The following LIPI variants were observed in gnomAD, a reference collection of about 807,000 sequenced individuals.
LIPI encodes the protein lipase I, also known as lipase member I.
In LIPI, 59 loss-of-function variants were observed where a neutral mutation model predicts 50.6. The observed-to-expected ratio is 1.16, with a 90% CI of 0.94 to 1.45. The LOEUF (loss-of-function observed/expected upper bound fraction) is 1.45. Among genes scored for constraint, LIPI ranks in the 40% most tolerant of loss-of-function variants. The pLI, the probability that LIPI is intolerant of heterozygous loss-of-function variation, is 0.00. For synonymous variants in LIPI, 203 were observed against 178.2 expected, an observed-to-expected ratio of 1.14 and a Z score of -1.11; for missense variants, 586 against 536.3, an observed-to-expected ratio of 1.09 and a Z score of -0.92.
intron 7 of LIPI, among the ~76,000 whole-genome samples, chr21:14,156,091 C>A (rs984292798): frequency 6.6e-6 from 1 of 151,984 alleles, no homozygotes; most frequent in Non-Finnish European, 1.5e-5. Flanking sequence ...AATCATTAAA[C>A]AGTGATGAAT....
At chr21:14,168,057 A>G (rs1337580341) in intron 4 of LIPI, among the ~76,000 whole-genome samples, 1 of 152,228 alleles carries the variant, frequency 6.6e-6, no homozygotes, top group African/African-American at 2.4e-5. Context: ...CTCGAGAACT[A>G]TGTGAAGAAT....
chr21:14,181,908 C>G, intron 3 of LIPI, 49 bp from the exon 4 acceptor site: 1 of 957,590 alleles, frequency 1.0e-6, no homozygotes, highest in Admixed American at 1.8e-5. Flanking sequence ...CACAGAGCTC[C>G]TTACATTGCA....
rs1203049180 is a variant in LIPI at position 14,158,200 on chromosome 21, G to C, written c.1006+5219C>G. Among the ~76,000 whole-genome samples, 5 of 151,716 alleles carry C rather than the reference G, an allele frequency of 3.3e-5. No individual in the cohort carries two copies. The East Asian group carries it at 9.6e-4, about 29-fold the overall frequency. The stretch of plus-strand genomic sequence containing the variant: ...GAAGCATGAGCCTAAAGAGATCAAT[G>C]CTTGACTACTAAAATACCTCAGGAC... On this transcript the variant is annotated intron_variant, in intron 7 of 9. Transcript: ENST00000681601.
chr21:14,182,434 A>G (rs1001945317), intron 3 of LIPI, among the ~76,000 whole-genome samples: 2 of 152,210 alleles, frequency 1.3e-5, no homozygotes, highest in East Asian at 3.8e-4. Flanking sequence ...CTAAATAAAA[A>G]TGCTAGGCTC....
chr21:14,123,126 T>C (rs2016925446), intron 9 of LIPI, among the ~76,000 whole-genome samples: 1 of 152,124 alleles, frequency 6.6e-6, no homozygotes, highest in African/African-American at 2.4e-5. Flanking sequence ...TGTTACAAGG[T>C]TCAATGTATA....
Position 14,190,883 on chromosome 21 carries a change from A to T in LIPI, c.47-1464T>A, listed in dbSNP as rs903888484. Among the ~76,000 whole-genome samples, 2 of 152,162 alleles carry T rather than the reference A, an allele frequency of 1.3e-5. 1 individual carries two copies. ...ATCAATACATCCAAAGTGCTGGTCC[A>T]CTCCAAGCTAAAGTCAATTTTACCT... On this transcript the variant is annotated intron_variant, in intron 1 of 9. Transcript: ENST00000681601.
At chr21:14,192,371 A>C (rs1026952653) in intron 1 of LIPI, among the ~76,000 whole-genome samples, 3 of 152,172 alleles carry the variant, frequency 2.0e-5, no homozygotes, top group Non-Finnish European at 4.4e-5. Context: ...AGGCTGAGGC[A>C]GGAGAATCAC....
At position 14,165,328 on chromosome 21, in the gene LIPI, T is replaced by C. The variant is rs1174846633; in HGVS notation, c.796A>G (p.Thr266Ala). ...AVHLFMASLE[T>A]NCNFISFPCR... is the part of the protein sequence containing the mutation. ...GGAAATGAAATAAAATTGCAGTTTGTTTCTAAAGATGCCATGAACAAGTGA... is the reference window on the plus strand; with the variant it reads ...GGAAATGAAATAAAATTGCAGTTTGCTTCTAAAGATGCCATGAACAAGTGA... Residue 266 changes from threonine to alanine, a missense_variant, in exon 6 of 10, where the codon ACA (threonine) becomes GCA (alanine). Coordinates refer to ENST00000681601, the MANE Select transcript of LIPI (RefSeq NM_001302998.2). 2.5e-6 allele frequency: 4 copies of C among 1,612,486 alleles called. No homozygotes were observed. In the Admixed American group the frequency reaches 5.0e-5, roughly 20 times the overall value.
At chr21:14,112,282 C>T (rs1415202209) in intron 9 of LIPI, among the ~76,000 whole-genome samples, 1 of 152,032 alleles carries the variant, frequency 6.6e-6, no homozygotes, top group Non-Finnish European at 1.5e-5. Context: ...ATGTCTCTAG[C>T]TTTGTTCTTT....
intron 3 of LIPI, among the ~76,000 whole-genome samples, chr21:14,182,578 C>T (rs917480573): frequency 6.6e-6 from 1 of 152,074 alleles, no homozygotes; most frequent in African/African-American, 2.4e-5. Flanking sequence ...AACAGACAAA[C>T]AGAGAGCCAA....
At chr21:14,129,347 A>T (rs2017192588) in intron 9 of LIPI, among the ~76,000 whole-genome samples, 1 of 152,138 alleles carries the variant, frequency 6.6e-6, no homozygotes, top group African/African-American at 2.4e-5. Flanking sequence ...TATTGAATGC[A>T]TTTATATATA....
rs1481818485 is a variant in LIPI at position 14,156,839 on chromosome 21, A to G, written c.1007-4155T>C. ...AAGGACACAGGAGGAAATAAGGAAC[A>G]TGGCAGAGAAAATACACATTACAAA... On this transcript the variant is annotated intron_variant, in intron 7 of 9. Transcript: ENST00000681601. 2.0e-5 allele frequency among the ~76,000 whole-genome samples: 3 copies of G among 151,862 alleles called. 1 individual carries two copies. The highest frequency in any genetic ancestry group is 2.0e-4 in the Admixed American group (3 of 15,188).
At chr21:14,128,184 CAT>C (rs918446606) in intron 9 of LIPI, among the ~76,000 whole-genome samples, 19 of 152,046 alleles carry the variant, frequency 1.2e-4, no homozygotes, top group Admixed American at 3.3e-4. Context: ...TCAACTGTAA[CAT>C]ATGTGTTTAT....
At chr21:14,165,485 C>T (rs572908058) in intron 5 of LIPI, 95 bp from the exon 6 acceptor site, 22 of 844,440 alleles carry the variant, frequency 2.6e-5, no homozygotes, top group Middle Eastern at 2.4e-4. Context: ...TTGCTAAATA[C>T]TATGTACCTT....
intron 9 of LIPI, among the ~76,000 whole-genome samples, chr21:14,128,283 G>C (rs1377315056): frequency 4.6e-5 from 7 of 152,028 alleles, no homozygotes; most frequent in South Asian, 2.1e-4. Context: ...TCCACAATGG[G>C]AATAATTGAC....
intron 4 of LIPI, among the ~76,000 whole-genome samples, chr21:14,168,152 G>T (rs1434690852): frequency 2.0e-5 from 3 of 152,038 alleles, no homozygotes; most frequent in Non-Finnish European, 4.4e-5. Flanking sequence ...AGCAAGAAGG[G>T]AAGTTTAGAG....
intron 9 of LIPI, among the ~76,000 whole-genome samples, chr21:14,131,319 G>T (rs1330891532): frequency 1.3e-5 from 2 of 152,036 alleles, no homozygotes; most frequent in African/African-American, 4.8e-5. Context: ...CTAAAAACAG[G>T]CACATTTACC....
chr21:14,189,204 A>G lies in LIPI; in HGVS notation c.262T>C (p.Ser88Pro), dbSNP rs142855575. 115 of 1,613,996 alleles carry G rather than the reference A, an allele frequency of 7.1e-5. No individual in the cohort carries two copies. The highest frequency in any genetic ancestry group is 4.9e-4 in the Middle Eastern group (3 of 6,082). ...AAGTTCTGAAGCCATAATGGGATGGAGCCTACTGGTCTGTATCCGTGAATA... is the reference window on the plus strand; with the variant it reads ...AAGTTCTGAAGCCATAATGGGATGGGGCCTACTGGTCTGTATCCGTGAATA... ...WLIHGYRPVG[S>P]IPLWLQNFVR... Residue 88 changes from serine to proline, a missense_variant, in exon 2 of 10, where the codon TCC (serine) becomes CCC (proline). Ser to Pro is a moderately conservative substitution (Grantham distance 74). Coordinates refer to ENST00000681601, the MANE Select transcript of LIPI (RefSeq NM_001302998.2).
At chr21:14,153,142 A>G (rs530951397) in intron 7 of LIPI, among the ~76,000 whole-genome samples, 3 of 152,260 alleles carry the variant, frequency 2.0e-5, no homozygotes, top group East Asian at 1.9e-4. Context: ...GACTGTGAAT[A>G]TATATATAAG....
Sources: gnomAD v4.1 joint callset for allele counts (sites outside exome capture counted in the v4.1 genomes callset) on GRCh38, gnomAD v4.1.1 for gene constraint, MANE v1.5 for transcripts, NCBI Gene and HGNC (gene_info 2026-07-23, HGNC 2026-07-21) for gene names.